The following GPRIN3 variants were observed in gnomAD, a reference collection of about 807,000 sequenced individuals.
GPRIN3 encodes G protein-regulated inducer of neurite outgrowth 3.
GPRIN3 carries 12 observed loss-of-function variants against 13.7 expected under a neutral mutation model. That is an observed-to-expected ratio of 0.87 (90% CI 0.56 to 1.42). The LOEUF (loss-of-function observed/expected upper bound fraction) is 1.42. Ranked by LOEUF, GPRIN3 falls within the 40% of genes most tolerant of loss-of-function variation. The pLI, the probability that GPRIN3 is intolerant of heterozygous loss-of-function variation, is 0.00. For missense variants in GPRIN3, 1,009 were observed against 958.7 expected (o/e 1.05, Z -0.69); for synonymous variants, 377 against 372.7 (o/e 1.01, Z -0.13).
At chr4:89,261,916 A>C (rs1442295792) in intron 1 of GPRIN3, among the ~76,000 whole-genome samples, 1 of 152,032 alleles carries the variant, frequency 6.6e-6, no homozygotes, top group Non-Finnish European at 1.5e-5. Context: ...GTTCAAGACC[A>C]GCCTGGGCAA....
intron 1 of GPRIN3, among the ~76,000 whole-genome samples, chr4:89,281,711 C>T (rs1724255682): frequency 6.6e-6 from 1 of 152,170 alleles, no homozygotes; most frequent in Non-Finnish European, 1.5e-5. Flanking sequence ...AGAACAAGGA[C>T]AGAACACATT....
rs1433443321 is a variant in GPRIN3, at chr4:89,243,767, G to A, written c.*4013C>T. 1 of 152,154 alleles carries A rather than the reference G, an allele frequency of 6.6e-6. No homozygotes were observed. Among genetic ancestry groups the A allele is most frequent in the East Asian group, 1.9e-4 (1 of 5,198 alleles). The allele number at this position is 152,154 out of a possible 1,614,324, so 9.4% of individuals were successfully genotyped here. On this transcript the variant is annotated 3_prime_UTR_variant, in exon 2 of 2. Transcript: ENST00000609438. Reference sequence around the variant, plus strand: ...GGTAGAGGTCTACACAAGGCTACAAGTGCCCAGTTTTCAATAAAAACACAT... The same window carrying A: ...GGTAGAGGTCTACACAAGGCTACAAATGCCCAGTTTTCAATAAAAACACAT...
chr4:89,252,153 T>C (rs1172906214), intron 1 of GPRIN3, among the ~76,000 whole-genome samples: 1 of 152,036 alleles, frequency 6.6e-6, no homozygotes, highest in African/African-American at 2.4e-5. Context: ...TTAATTTTTT[T>C]GTAGAGACAG....
At chr4:89,291,477 T>C (rs1298874071) in intron 1 of GPRIN3, among the ~76,000 whole-genome samples, 5 of 152,242 alleles carry the variant, frequency 3.3e-5, no homozygotes, top group Non-Finnish European at 4.4e-5. Flanking sequence ...GTACTTGACG[T>C]TCATCCCTGT....
Position 89,248,944 on chromosome 4 carries a change from C to A in GPRIN3, c.1167G>T (p.Met389Ile). 1 of 1,614,214 alleles carries A rather than the reference C, an allele frequency of 6.2e-7. No individual in the cohort carries two copies. Among genetic ancestry groups the A allele is most frequent in the Non-Finnish European group, 8.5e-7 (1 of 1,180,030 alleles). The change falls in exon 2 of 2, where the codon ATG (methionine) becomes ATT (isoleucine). Residue 389 changes from methionine (M) to isoleucine (I), a missense_variant. Coordinates refer to ENST00000609438, the MANE Select transcript of GPRIN3 (RefSeq NM_198281.3). ...CAGCTGCCTGAATGTGCACCTGTGG[C>A]ATGATGCCAGGGCACTGGCTGGACT... ...PQESSQCPGI[M>I]PQVHIQAAAA... is the part of the protein sequence containing the mutation.
rs773581472 is a variant in GPRIN3 at position 89,247,744 on chromosome 4, G to A, written c.*36C>T. ...ACATAGAGGGACGCATGTGAATACC[G>A]TAAATTTATACACAAACTCCCATAA... On this transcript the variant is annotated 3_prime_UTR_variant, in exon 2 of 2. Coordinates refer to ENST00000609438, the MANE Select transcript of GPRIN3 (RefSeq NM_198281.3). The A allele has an allele frequency of 7.7e-6, 12 of 1,557,882 alleles. No homozygotes were observed. The highest frequency in any genetic ancestry group is 6.8e-5 in the East Asian group (3 of 44,282).
chr4:89,241,205 A>AT lies in GPRIN3; in HGVS notation c.*6574dup, dbSNP rs1346962438. The AT allele has an allele frequency of 6.7e-6, 1 of 148,734 alleles. No homozygotes were observed. Among genetic ancestry groups the AT allele is most frequent in the Admixed American group, 6.6e-5 (1 of 15,158 alleles). 9.2% of individuals were successfully genotyped at this position (148,734 alleles called of 1,614,324 possible). A position where few individuals can be genotyped will look rare whatever the true frequency, so the allele number is the denominator to read the frequency against. Reference sequence around the variant, plus strand: ...ATTATGTTACCTACTCAAGGAGATGATAAAAAAAAAACACAAATCAAACAG... The same window carrying AT: ...ATTATGTTACCTACTCAAGGAGATGATTAAAAAAAAAACACAAATCAAACAG... On this transcript the variant is annotated 3_prime_UTR_variant, in exon 2 of 2. Transcript: ENST00000609438.
At chr4:89,271,650 T>C (rs938591517) in intron 1 of GPRIN3, among the ~76,000 whole-genome samples, 1 of 152,060 alleles carries the variant, frequency 6.6e-6, no homozygotes, top group Non-Finnish European at 1.5e-5. Flanking sequence ...GAGGAATCCA[T>C]GGATGTGAAA....
Position 89,248,754 on chromosome 4 carries a change from T to C in GPRIN3, c.1357A>G (p.Lys453Glu), listed in dbSNP as rs753142575. 6.2e-6 allele frequency: 10 copies of C among 1,614,222 alleles called. No individual in the cohort carries two copies. The South Asian group carries it at 1.1e-4, about 18-fold the overall frequency. Residue 453 changes from lysine to glutamate, a missense_variant, in exon 2 of 2, where the codon AAA (lysine) becomes GAA (glutamate). Physicochemically the swap from Lys to Glu is moderately conservative, Grantham distance 56. Transcript: ENST00000609438. ...CTAGAATTAGTACCTGCGAGCTTTT[T>C]AGCAGTTGACTCTTCCCTCACTGGA... is the stretch of plus-strand genomic sequence containing the variant. ...MTPVREESTA[K>E]KLAGTNSSSL...
At chr4:89,284,207 A>G (rs1724336610) in intron 1 of GPRIN3, among the ~76,000 whole-genome samples, 1 of 152,160 alleles carries the variant, frequency 6.6e-6, no homozygotes, top group Admixed American at 6.5e-5. Flanking sequence ...CAGGTGAAGG[A>G]ATGGGTGGGT....
At chr4:89,295,114 C>T (rs938851612) in intron 1 of GPRIN3, among the ~76,000 whole-genome samples, 1 of 152,138 alleles carries the variant, frequency 6.6e-6, no homozygotes, top group East Asian at 1.9e-4. Flanking sequence ...CTCCAAAACA[C>T]GAAAGTACTA....
At chr4:89,260,716 G>C (rs1272090404) in intron 1 of GPRIN3, among the ~76,000 whole-genome samples, 1 of 152,148 alleles carries the variant, frequency 6.6e-6, no homozygotes, top group Non-Finnish European at 1.5e-5. Context: ...CTATAGGCTA[G>C]AAAAAGTTGC....
At position 89,250,036 on chromosome 4, in the gene GPRIN3, T is replaced by C. The variant is rs1457843324; in HGVS notation, c.75A>G (p.Leu25=). ...GAGGTGAGGCAGCCTGTGGCTCTCC[T>C]AGATCGTCTTCTTTTCCGGAAGCTG... ...LIAASGKEDD[L]GEPQAASPRH... is the part of the protein sequence containing the mutation. Residue 25 remains leucine, a synonymous_variant, in exon 2 of 2, where the codon CTA becomes CTG. Coordinates refer to ENST00000609438, the MANE Select transcript of GPRIN3 (RefSeq NM_198281.3). 9 of 1,614,066 alleles carry C rather than the reference T, an allele frequency of 5.6e-6. No individual in the cohort carries two copies. In the South Asian group the frequency reaches 8.8e-5, roughly 16 times the overall value.
At chr4:89,306,716 G>A (rs1725042998) in intron 1 of GPRIN3, among the ~76,000 whole-genome samples, 2 of 152,054 alleles carry the variant, frequency 1.3e-5, no homozygotes, top group African/African-American at 4.8e-5. Context: ...GCTGCTTTGT[G>A]GACATTCACA....
At chr4:89,261,234 T>C (rs572566951) in intron 1 of GPRIN3, among the ~76,000 whole-genome samples, 1 of 152,322 alleles carries the variant, frequency 6.6e-6, no homozygotes, top group Non-Finnish European at 1.5e-5. Flanking sequence ...GATTGTCCTA[T>C]GCACAGTAGG....
chr4:89,249,736 T>C lies in GPRIN3; in HGVS notation c.375A>G (p.Pro125=). The C allele has an allele frequency of 1.2e-6, 2 of 1,614,170 alleles. No homozygotes were observed. Among genetic ancestry groups the C allele is most frequent in the Non-Finnish European group, 1.7e-6 (2 of 1,180,012 alleles). ...TGTGCTGATTGGCGGGCATTGTCAATGGTGTGTGTATAAGATCCCTTCCTG... is the reference window on the plus strand; with the variant it reads ...TGTGCTGATTGGCGGGCATTGTCAACGGTGTGTGTATAAGATCCCTTCCTG... ...SAAGRDLIHT[P]LTMPANQHTC... is the part of the protein sequence containing the mutation. Residue 125 remains proline (P), a synonymous_variant, in exon 2 of 2, where the codon CCA becomes CCG. Coordinates refer to ENST00000609438, the MANE Select transcript of GPRIN3 (RefSeq NM_198281.3).
In GPRIN3 at chr4:89,248,274, C is replaced by T; in HGVS notation, c.1837G>A (p.Gly613Ser). Residue 613 changes from glycine to serine, a missense_variant, in exon 2 of 2, where the codon GGT becomes AGT. Gly to Ser is a moderately conservative substitution (Grantham distance 56). Transcript: ENST00000609438. ...TTGCCAGAACCTGGGCTGGAGTCAC[C>T]CATGGGATCAGATGGCAGGCTCAGG... is the stretch of plus-strand genomic sequence containing the variant. The part of the protein sequence containing the change: ...TSLSLPSDPM[G>S]DSSPGSGKKT... 1 of 1,614,078 alleles carries T rather than the reference C, an allele frequency of 6.2e-7. No homozygotes were observed. Among genetic ancestry groups the T allele is most frequent in the Non-Finnish European group, 8.5e-7 (1 of 1,179,992 alleles).
In GPRIN3 at chr4:89,270,588, T is replaced by A. The variant is rs1257916729; in HGVS notation, c.-123-20355A>T. On this transcript the variant is annotated intron_variant, in intron 1 of 1. Coordinates refer to ENST00000609438, the MANE Select transcript of GPRIN3 (RefSeq NM_198281.3). ...ATTTATATATATATATATATATATA[T>A]ATATATATATATAAAATATAGATAT... 2.8e-3 allele frequency among the ~76,000 whole-genome samples: 366 copies of A among 129,602 alleles called. 4 individuals carry two copies. Among genetic ancestry groups the A allele is most frequent in the African/African-American group, 0.011 (347 of 31,388 alleles). 85.0% of individuals were successfully genotyped at this position (129,602 alleles called of 152,430 possible).
chr4:89,269,355 A>AAGT (rs1723865374), intron 1 of GPRIN3, among the ~76,000 whole-genome samples: 1 of 152,114 alleles, frequency 6.6e-6, no homozygotes, highest in Non-Finnish European at 1.5e-5. Context: ...GCAAATCACC[A>AAGT]TGGTAGTATA....
Sources: allele counts gnomAD v4.1 joint callset (sites outside exome capture counted in the v4.1 genomes callset), GRCh38; gene constraint gnomAD v4.1.1; transcripts MANE v1.5; gene names NCBI Gene and HGNC (gene_info 2026-07-23, HGNC 2026-07-21).